C2CD5: variants seen among roughly 807,000 people sequenced by gnomAD.
C2CD5 encodes C2 domain-containing protein 5.
Under a neutral mutation model 130.3 loss-of-function variants are expected in C2CD5, and 109 were observed. The ratio of observed to expected loss-of-function variants is 0.84; its 90% CI spans 0.72 to 0.98. The LOEUF (loss-of-function observed/expected upper bound fraction) is 0.98. C2CD5 is among the 50% of genes least tolerant of loss of function. The pLI is 0.00. For synonymous variants in C2CD5, 454 were observed against 429.2 expected, an observed-to-expected ratio of 1.06 and a Z score of -0.71; for missense variants, 996 against 1,261.8, an observed-to-expected ratio of 0.79 and a Z score of 3.19.
intron 6 of C2CD5, among the ~76,000 whole-genome samples, chr12:22,524,158 T>C (rs1950526022): frequency 6.6e-6 from 1 of 152,042 alleles, no homozygotes; most frequent in Non-Finnish European, 1.5e-5. Context: ...CTCTGACAAA[T>C]AAATGGTAGA....
chr12:22,453,945 G>A lies in C2CD5; in HGVS notation c.2975C>T (p.Ser992Phe). The A allele has an allele frequency of 1.2e-6, 2 of 1,613,586 alleles. No individual in the cohort carries two copies. The highest frequency in any genetic ancestry group is 1.7e-6 in the Non-Finnish European group (2 of 1,179,716). The stretch of plus-strand genomic sequence containing the variant: ...GAAGACACACTGCTTCATTATGTAG[G>A]AGACAACAGCATTCCCTCCTAATGC... ...VAALGGNAVVSYIMKQCVFME... is the reference protein window; with the variant it reads ...VAALGGNAVVFYIMKQCVFME... Residue 992 changes from serine to phenylalanine, a missense_variant, in exon 26 of 27, where the codon TCC (serine) becomes TTC (phenylalanine). Transcript: ENST00000446597.
chr12:22,474,689 C>T (rs1008707227), intron 16 of C2CD5, 62 bp downstream of exon 16: 13 of 1,212,440 alleles, frequency 1.1e-5, no homozygotes, highest in Admixed American at 7.4e-5. Context: ...TAATTTAGCA[C>T]GTGAAAAAAT....
chr12:22,494,170 T>A (rs1946712132), intron 10 of C2CD5, among the ~76,000 whole-genome samples: 1 of 151,990 alleles, frequency 6.6e-6, no homozygotes, highest in South Asian at 2.1e-4. Flanking sequence ...TATAGTAACA[T>A]TTTATGTACA....
intron 3 of C2CD5, among the ~76,000 whole-genome samples, chr12:22,532,263 G>C (rs531472664): frequency 2.6e-4 from 40 of 152,002 alleles, no homozygotes; most frequent in African/African-American, 8.2e-4. Context: ...CTGAGAGGCA[G>C]AGGTTGCAGT....
intron 2 of C2CD5, among the ~76,000 whole-genome samples, chr12:22,537,654 A>C (rs1476851256): frequency 6.6e-6 from 1 of 152,236 alleles, no homozygotes; most frequent in Non-Finnish European, 1.5e-5. Context: ...TTACCTTGAG[A>C]AAGTTATTAA....
In C2CD5 at chr12:22,523,455, T is replaced by C. The variant is rs772213182; in HGVS notation, c.771A>G (p.Ala257=). ...TCATTTCTTTGGATGGGGAATTACA[T>C]GCAGGAAGGAATGCTGCTGGGCTAC... ...KLSSPAAFLP[A]CNSPSKEMKE... is the part of the protein sequence containing the mutation. The change falls in exon 7 of 27, where the codon GCA becomes GCG. Residue 257 remains alanine, a synonymous_variant. Coordinates refer to ENST00000446597, the MANE Select transcript of C2CD5 (RefSeq NM_001286176.2). 2.5e-6 allele frequency: 4 copies of C among 1,613,952 alleles called. No individual in the cohort carries two copies. Among genetic ancestry groups the C allele is most frequent in the Middle Eastern group, 1.6e-4 (1 of 6,062 alleles).
intron 14 of C2CD5, among the ~76,000 whole-genome samples, chr12:22,481,637 TAAG>T (rs1157283665): frequency 1.3e-5 from 2 of 149,980 alleles, no homozygotes; most frequent in East Asian, 2.0e-4. Flanking sequence ...CATCGGCACT[TAAG>T]AAACACACCT....
At chr12:22,528,343 G>A (rs868829427) in intron 3 of C2CD5, among the ~76,000 whole-genome samples, 2 of 152,256 alleles carry the variant, frequency 1.3e-5, no homozygotes, top group Middle Eastern at 3.4e-3. Context: ...TTATGTGTAA[G>A]AAAAAACAAC....
chr12:22,513,212 G>T, intron 9 of C2CD5, 82 bp downstream of exon 9: 1 of 1,018,670 alleles, frequency 9.8e-7, no homozygotes, highest in Non-Finnish European at 1.5e-6. Context: ...AACAGTTCAT[G>T]AAAACATGCA....
In C2CD5 at chr12:22,494,891, ACT is replaced by A. The variant is rs1338006587; in HGVS notation, c.1148-1556_1148-1555del. On this transcript the variant is annotated intron_variant, in intron 10 of 26. Transcript: ENST00000446597. ...AGCAAAAATACACTTTCAAATCCAT[ACT>A]CTCTTTTTTCTAAGACATACACACT... 8.6e-5 allele frequency among the ~76,000 whole-genome samples: 13 copies of A among 151,902 alleles called. No homozygotes were observed. In the East Asian group the frequency reaches 1.3e-3, roughly 16 times the overall value.
chr12:22,527,321 T>C (rs1202533198), intron 4 of C2CD5, among the ~76,000 whole-genome samples: 1 of 129,694 alleles, frequency 7.7e-6, no homozygotes, highest in African/African-American at 3.5e-5. Context: ...TATATACATA[T>C]ATATATATAT....
At chr12:22,462,088 T>C (rs906239528) in intron 22 of C2CD5, among the ~76,000 whole-genome samples, 3 of 152,208 alleles carry the variant, frequency 2.0e-5, no homozygotes, top group African/African-American at 7.2e-5. Context: ...TGCAGATACA[T>C]GCAGTCTGGC....
chr12:22,533,241 C>T (rs781062145), intron 3 of C2CD5, among the ~76,000 whole-genome samples: 19 of 152,178 alleles, frequency 1.2e-4, no homozygotes, highest in Non-Finnish European at 2.4e-4. Context: ...AGGCAGTCTT[C>T]GGTTTGAAAC....
intron 8 of C2CD5, among the ~76,000 whole-genome samples, chr12:22,517,258 A>C (rs1265358090): frequency 3.3e-5 from 5 of 151,590 alleles, no homozygotes; most frequent in African/African-American, 4.8e-5. Context: ...AAATTTCATC[A>C]CTATTAAGTT....
intron 6 of C2CD5, 106 bp downstream of exon 6, chr12:22,524,366 A>T (rs1484171464): frequency 6.7e-6 from 6 of 899,114 alleles, no homozygotes; most frequent in Admixed American, 4.6e-5. Flanking sequence ...GCAGTCACTT[A>T]TAATTCATAG....
At chr12:22,519,340 G>A in intron 7 of C2CD5, 1 of 996,848 alleles carries the variant, frequency 1.0e-6, no homozygotes, top group Non-Finnish European at 1.4e-6. Context: ...AGTCAGGGAA[G>A]AGAACTTATT....
rs1950654077 is a variant in C2CD5, at chr12:22,525,668, G to A, written c.387C>T (p.Asp129=). The part of the protein sequence containing the change: ...RGEINVVVKV[D]LFNDLNRFRQ... ...TAAATCGATTTAAATCATTGAAGAGGTCTACTTTGACAACTACATTGATTT... is the reference window on the plus strand; with the variant it reads ...TAAATCGATTTAAATCATTGAAGAGATCTACTTTGACAACTACATTGATTT... The change falls in exon 5 of 27, where the codon GAC becomes GAT. Residue 129 remains aspartate, a synonymous_variant. Coordinates refer to ENST00000446597, the MANE Select transcript of C2CD5 (RefSeq NM_001286176.2). 1 of 1,590,860 alleles carries A rather than the reference G, an allele frequency of 6.3e-7. No individual in the cohort carries two copies. Among genetic ancestry groups the A allele is most frequent in the Non-Finnish European group, 8.6e-7 (1 of 1,159,438 alleles).
chr12:22,506,726 G>A lies in C2CD5; in HGVS notation c.1132C>T (p.Arg378Cys), dbSNP rs1177770519. ...AAGAACATACCAGGATTGTGGATAC[G>A]ATCCAAAAGCTTCACAGAACGTGCA... ...VSARSVKLLD[R>C]IHNPDEPETR... is the part of the protein sequence containing the mutation. Residue 378 changes from arginine to cysteine, a missense_variant, in exon 10 of 27, where the codon CGT becomes TGT. Physicochemically the swap from Arg to Cys is radical, Grantham distance 180 (BLOSUM62 -3). This residue lies in a region of C2CD5 where 156 missense variants were observed against 165.9 expected (regional missense o/e 0.94). Transcript: ENST00000446597. The A allele has an allele frequency of 6.3e-6, 10 of 1,575,820 alleles. No individual in the cohort carries two copies. The highest frequency in any genetic ancestry group is 4.5e-5 in the East Asian group (2 of 44,690).
Position 22,544,410 on chromosome 12 carries a change from T to C in C2CD5, c.-120A>G. On this transcript the variant is annotated 5_prime_UTR_variant, in exon 1 of 27. Coordinates refer to ENST00000446597, the MANE Select transcript of C2CD5 (RefSeq NM_001286176.2). ...GGAAGGGCTTTGATGGGTTCTTCCG[T>C]CCCGGCCCCACAAGGCTGGGACGAA... The C allele has an allele frequency of 2.8e-6, 1 of 358,420 alleles. No individual in the cohort carries two copies. Among genetic ancestry groups the C allele is most frequent in the Non-Finnish European group, 5.0e-6 (1 of 199,752 alleles). The allele number at this position is 358,420 out of a possible 1,614,324, so 22.2% of individuals were successfully genotyped here. A position where few individuals can be genotyped will look rare whatever the true frequency, so the allele number is the denominator to read the frequency against.
Sources: gnomAD v4.1 joint callset for allele counts (sites outside exome capture counted in the v4.1 genomes callset) on GRCh38, gnomAD v4.1.1 for gene constraint, gnomAD v4.1.1 regional missense constraint, MANE v1.5 for transcripts, NCBI Gene and HGNC (gene_info 2026-07-23, HGNC 2026-07-21) for gene names.